The following TTBK2 variants were observed in gnomAD, a reference collection of about 807,000 sequenced individuals.
TTBK2 encodes the protein tau tubulin kinase 2, also known as tau-tubulin kinase 2.
In TTBK2, 28 loss-of-function variants were observed where a neutral mutation model predicts 110.8. The ratio of observed to expected loss-of-function variants is 0.25; its 90% CI spans 0.19 to 0.35. The LOEUF (loss-of-function observed/expected upper bound fraction) is 0.35, where lower values mean the gene tolerates loss of function less well. TTBK2 is among the 10% of genes least tolerant of loss of function. TTBK2 has a pLI of 1.00. For synonymous variants in TTBK2, 532 were observed against 527.3 expected (o/e 1.01, Z -0.12); for missense variants, 1,369 against 1,500.3 (o/e 0.91, Z 1.45).
At chr15:42,801,452 G>T in intron 9 of TTBK2, 1 of 835,382 alleles carries the variant, frequency 1.2e-6, no homozygotes. Flanking sequence ...GAGACCCTCA[G>T]TCTCAGCTTG....
At chr15:42,880,006 A>G (rs1002835249) in intron 1 of TTBK2, among the ~76,000 whole-genome samples, 28 of 151,864 alleles carry the variant, frequency 1.8e-4, no homozygotes, top group African/African-American at 6.5e-4. Context: ...CAAAAAAAAA[A>G]AAAAAAAGAA....
Position 42,800,950 on chromosome 15 carries a change from G to A in TTBK2, c.823-6149C>T, listed in dbSNP as rs750471121. ...TCTGCGGCAGCCGCAGGAGGGACAGGCTGGGAGGGGCTTCACTTGGGCAGG... is the reference window on the plus strand; with the variant it reads ...TCTGCGGCAGCCGCAGGAGGGACAGACTGGGAGGGGCTTCACTTGGGCAGG... On this transcript the variant is annotated intron_variant, in intron 9 of 14. Coordinates refer to ENST00000267890, the MANE Select transcript of TTBK2 (RefSeq NM_173500.4). 1.1e-5 allele frequency: 8 copies of A among 737,530 alleles called. No homozygotes were observed. In the East Asian group the frequency reaches 1.5e-4, roughly 14 times the overall value. 45.7% of individuals were successfully genotyped at this position (737,530 alleles called of 1,614,324 possible). A position where few individuals can be genotyped will look rare whatever the true frequency, so the allele number is the denominator to read the frequency against.
At chr15:42,871,284 A>G (rs1894606137) in intron 3 of TTBK2, among the ~76,000 whole-genome samples, 1 of 152,186 alleles carries the variant, frequency 6.6e-6, no homozygotes, top group Admixed American at 6.5e-5. Flanking sequence ...GAAAAATAAA[A>G]TACAAGAAAA....
intron 3 of TTBK2, among the ~76,000 whole-genome samples, chr15:42,859,422 C>T (rs74532949): frequency 0.017 from 2,578 of 152,182 alleles, 73 homozygotes; most frequent in African/African-American, 0.058. Flanking sequence ...TGGGGTTTTA[C>T]TGAAGCTTAA....
At chr15:42,905,892 G>A (rs756284285) in intron 1 of TTBK2, among the ~76,000 whole-genome samples, 2 of 152,090 alleles carry the variant, frequency 1.3e-5, no homozygotes, top group Admixed American at 6.6e-5. Flanking sequence ...TATACTGACT[G>A]TGCTCAATAA....
chr15:42,855,226 A>T (rs973849348), intron 3 of TTBK2: 3 of 152,120 alleles, frequency 2.0e-5, no homozygotes, highest in Non-Finnish European at 2.9e-5. Flanking sequence ...TTTAAGTATC[A>T]TAACACAAGT....
intron 3 of TTBK2, among the ~76,000 whole-genome samples, chr15:42,865,927 A>G (rs181668994): frequency 8.5e-5 from 13 of 152,330 alleles, no homozygotes; most frequent in African/African-American, 3.1e-4. Flanking sequence ...TCAAACATCA[A>G]TGGTCTAAAT....
intron 1 of TTBK2, among the ~76,000 whole-genome samples, chr15:42,910,740 G>A (rs2030702123): frequency 6.6e-6 from 1 of 152,110 alleles, no homozygotes; most frequent in Non-Finnish European, 1.5e-5. Flanking sequence ...GTAACTATCT[G>A]GATGTAAAAG....
intron 13 of TTBK2, among the ~76,000 whole-genome samples, chr15:42,767,919 T>G (rs1013637936): frequency 6.6e-6 from 1 of 152,192 alleles, no homozygotes; most frequent in Non-Finnish European, 1.5e-5. Flanking sequence ...CCACCACGAT[T>G]AAGTTGGCTT....
At chr15:42,803,828 C>T (rs539094196) in intron 9 of TTBK2, among the ~76,000 whole-genome samples, 11 of 151,698 alleles carry the variant, frequency 7.3e-5, no homozygotes, top group Admixed American at 3.9e-4. Context: ...GTCAGGAGTT[C>T]GAGACCTGGC....
At chr15:42,813,186 AG>A (rs1170330812) in intron 7 of TTBK2, among the ~76,000 whole-genome samples, 1 of 152,188 alleles carries the variant, frequency 6.6e-6, no homozygotes, top group Non-Finnish European at 1.5e-5. Context: ...ATTTGAATGC[AG>A]GACTCCAAAG....
chr15:42,819,793 G>A (rs1005530405), intron 6 of TTBK2, among the ~76,000 whole-genome samples: 12 of 152,060 alleles, frequency 7.9e-5, no homozygotes, highest in African/African-American at 2.7e-4. Flanking sequence ...AATCTTTTTT[G>A]GTAAATAACG....
chr15:42,911,636 A>C (rs1413361643), intron 1 of TTBK2, among the ~76,000 whole-genome samples: 2 of 152,226 alleles, frequency 1.3e-5, no homozygotes, highest in East Asian at 3.8e-4. Context: ...CAACTGCCTC[A>C]TATAAATGAG....
chr15:42,861,960 C>T lies in TTBK2; in HGVS notation c.217+10651G>A, dbSNP rs1289865325. ...TCCTCCGAAGTTATTATGAACACCT[C>T]TAAGCACACAAACTAGAAAATCTAG... is the stretch of plus-strand genomic sequence containing the variant. On this transcript the variant is annotated intron_variant, in intron 3 of 14. Transcript: ENST00000267890. Among the ~76,000 whole-genome samples the T allele has an allele frequency of 2.0e-5, 3 of 152,182 alleles. No individual in the cohort carries two copies. In the East Asian group the frequency reaches 5.8e-4, roughly 29 times the overall value.
At chr15:42,878,143 T>C (rs187337247) in intron 2 of TTBK2, among the ~76,000 whole-genome samples, 58 of 148,998 alleles carry the variant, frequency 3.9e-4, no homozygotes, top group African/African-American at 1.4e-3. Flanking sequence ...CCAGCTAATT[T>C]TTTTTGCTTT....
intron 3 of TTBK2, among the ~76,000 whole-genome samples, chr15:42,855,837 A>ACCTCGC (rs1567062077): frequency 6.6e-6 from 1 of 151,964 alleles, no homozygotes; most frequent in African/African-American, 2.4e-5. Flanking sequence ...GGCGCCCGCC[A>ACCTCGC]CCTCGCCCGG....
chr15:42,875,568 G>A (rs1235086082), intron 2 of TTBK2, among the ~76,000 whole-genome samples: 1 of 151,988 alleles, frequency 6.6e-6, no homozygotes, highest in Non-Finnish European at 1.5e-5. Context: ...ACCAGCCTGG[G>A]AGCTTCCATT....
chr15:42,903,101 G>A (rs1199111575), intron 1 of TTBK2, among the ~76,000 whole-genome samples: 2 of 151,960 alleles, frequency 1.3e-5, no homozygotes, highest in Admixed American at 6.5e-5. Flanking sequence ...CACCGTGCCC[G>A]GCTGGGAATT....
At chr15:42,762,810 T>C (rs1297053032) in intron 13 of TTBK2, among the ~76,000 whole-genome samples, 1 of 151,964 alleles carries the variant, frequency 6.6e-6, no homozygotes, top group Non-Finnish European at 1.5e-5. Context: ...CTGTCATTCA[T>C]GGCAACATGG....
Sources: gnomAD v4.1 joint callset for allele counts (sites outside exome capture counted in the v4.1 genomes callset) on GRCh38, gnomAD v4.1.1 for gene constraint, MANE v1.5 for transcripts, NCBI Gene and HGNC (gene_info 2026-07-23, HGNC 2026-07-21) for gene names.